DDAH1: variants seen among roughly 807,000 people sequenced by gnomAD.
DDAH1 encodes the protein dimethylarginine dimethylaminohydrolase 1.
Under a neutral mutation model 28.8 loss-of-function variants are expected in DDAH1, and 19 were observed. That is an observed-to-expected ratio of 0.66 (90% CI 0.46 to 0.97). The LOEUF (loss-of-function observed/expected upper bound fraction) is 0.97. DDAH1 is among the 50% of genes least tolerant of loss of function. The pLI is 0.00. For missense variants in DDAH1, 326 were observed against 375.9 expected (o/e 0.87, Z 1.10); for synonymous variants, 153 against 154.4 (o/e 0.99, Z 0.07).
intron 5 of DDAH1, among the ~76,000 whole-genome samples, chr1:85,323,122 T>A (rs760115759): frequency 6.6e-6 from 1 of 152,202 alleles, no homozygotes; most frequent in Admixed American, 6.5e-5. Context: ...TTCCCTCACC[T>A]TTTTCTTTTT....
intron 1 of DDAH1, among the ~76,000 whole-genome samples, chr1:85,412,727 A>C (rs758433244): frequency 6.6e-6 from 1 of 152,208 alleles, no homozygotes; most frequent in Non-Finnish European, 1.5e-5. Context: ...AGGGCCAGGC[A>C]TGGTGGCCTG....
At chr1:85,346,750 TA>T (rs1163591280) in intron 4 of DDAH1, among the ~76,000 whole-genome samples, 1 of 152,068 alleles carries the variant, frequency 6.6e-6, no homozygotes, top group Non-Finnish European at 1.5e-5. Flanking sequence ...AGTTAGCAAT[TA>T]ATAATTGCCC....
chr1:85,434,719 G>A (rs1182737770), intron 1 of DDAH1, among the ~76,000 whole-genome samples: 2 of 152,092 alleles, frequency 1.3e-5, no homozygotes, highest in African/African-American at 4.8e-5. Context: ...GTTACAATAA[G>A]TGACATTCTC....
intron 1 of DDAH1, among the ~76,000 whole-genome samples, chr1:85,367,489 A>G (rs1175515558): frequency 6.6e-6 from 1 of 152,212 alleles, no homozygotes; most frequent in African/African-American, 2.4e-5. Flanking sequence ...TTAACCACTC[A>G]TAACACTATC....
chr1:85,345,605 C>T (rs987829644), intron 4 of DDAH1, among the ~76,000 whole-genome samples: 6 of 152,154 alleles, frequency 3.9e-5, no homozygotes, highest in African/African-American at 1.2e-4. Flanking sequence ...GTGGCCAGGC[C>T]TGTAATCCCA....
intron 2 of DDAH1, among the ~76,000 whole-genome samples, chr1:85,485,973 G>C (rs530685030): frequency 3.3e-5 from 5 of 152,144 alleles, no homozygotes; most frequent in Admixed American, 2.6e-4. Context: ...ATTTTGGCTA[G>C]AAACTGTTAG....
intron 1 of DDAH1, among the ~76,000 whole-genome samples, chr1:85,403,334 A>G (rs972629846): frequency 6.6e-6 from 1 of 152,106 alleles, no homozygotes; most frequent in Non-Finnish European, 1.5e-5. Context: ...AGTTATATCC[A>G]AAGAAAAAAA....
At chr1:85,480,590 C>T (rs1655973524) in intron 2 of DDAH1, among the ~76,000 whole-genome samples, 1 of 151,980 alleles carries the variant, frequency 6.6e-6, no homozygotes. Context: ...ACTAAAAATA[C>T]AAAAAGTAGC....
chr1:85,495,223 C>T (rs901173331), intron 2 of DDAH1: 1 of 149,676 alleles, frequency 6.7e-6, no homozygotes, highest in Non-Finnish European at 1.5e-5. Flanking sequence ...AGGGTCTCCT[C>T]TTTCAAGGAA....
Position 85,564,167 on chromosome 1 carries a change from T to C in DDAH1, c.-123+13817A>G, listed in dbSNP as rs924325681. On this transcript the variant is annotated intron_variant, in intron 1 of 6. Transcript: ENST00000426972. ...AGCCTGGCAACAGAGCAAGACTCCA[T>C]CTCAAAAACAAAACAAAACAAAACA... Among the ~76,000 whole-genome samples the C allele has an allele frequency of 2.3e-5, 3 of 128,902 alleles. No individual in the cohort carries two copies. In the South Asian group the frequency reaches 6.8e-4, roughly 29 times the overall value. 84.6% of individuals were successfully genotyped at this position (128,902 alleles called of 152,430 possible).
intron 1 of DDAH1, among the ~76,000 whole-genome samples, chr1:85,408,129 C>A (rs892438595): frequency 1.1e-4 from 17 of 152,168 alleles, no homozygotes; most frequent in African/African-American, 3.9e-4. Flanking sequence ...TCCATGAAAC[C>A]AAATCCTTGT....
chr1:85,397,874 G>C (rs1313104018), intron 1 of DDAH1, among the ~76,000 whole-genome samples: 1 of 152,114 alleles, frequency 6.6e-6, no homozygotes, highest in Non-Finnish European at 1.5e-5. Flanking sequence ...TGACTCTACT[G>C]ACTCCCCTAG....
chr1:85,566,502 AAAAAG>A (rs1386102563), intron 1 of DDAH1, among the ~76,000 whole-genome samples: 2 of 151,726 alleles, frequency 1.3e-5, no homozygotes, highest in African/African-American at 4.8e-5. Flanking sequence ...AAAAAAAAAA[AAAAAG>A]AAAAGAAAGA....
chr1:85,324,676 C>T lies in DDAH1; in HGVS notation c.741+64G>A, dbSNP rs550598298. The T allele has an allele frequency of 1.6e-5, 26 of 1,596,926 alleles. No homozygotes were observed. The African/African-American group carries it at 2.0e-4, about 12-fold the overall frequency. Reference sequence around the variant, plus strand: ...AAAAGGAGGCTCCTATTGGTCACTCCTTTATGAAAAAATCCCCAGGGAGGC... The same window carrying T: ...AAAAGGAGGCTCCTATTGGTCACTCTTTTATGAAAAAATCCCCAGGGAGGC... On this transcript the variant is annotated intron_variant, in intron 5 of 5. Coordinates refer to ENST00000284031, the MANE Select transcript of DDAH1 (RefSeq NM_012137.4).
intron 1 of DDAH1, among the ~76,000 whole-genome samples, chr1:85,499,490 T>C (rs555598798): frequency 1.3e-5 from 2 of 152,274 alleles, no homozygotes; most frequent in East Asian, 3.9e-4. Flanking sequence ...CTGGCCAATA[T>C]GTTGAAACTC....
At chr1:85,515,894 T>C (rs1300073918) in intron 1 of DDAH1, among the ~76,000 whole-genome samples, 2 of 152,230 alleles carry the variant, frequency 1.3e-5, no homozygotes, top group South Asian at 4.1e-4. Flanking sequence ...AAATGTGTTT[T>C]CTCACAGTTC....
In DDAH1 at chr1:85,464,829, CCGGAAGG is replaced by C; in HGVS notation, c.210_216del (p.Ser70ArgfsTer33). On this transcript the variant is annotated frameshift_variant, in exon 1 of 6. Transcript: ENST00000284031. LOFTEE classifies it high-confidence loss of function. This position sits in a 1 kb window ranked among gnomAD's most constrained non-coding sequence, Gnocchi z 4.4. Reference sequence around the variant, plus strand: ...GCCACGTCCTCCACGAAGACGCAGTCCGGAAGGCTCTCGTCGGCCGGCAGCTCCACCA... The same window carrying C: ...GCCACGTCCTCCACGAAGACGCAGTCCTCTCGTCGGCCGGCAGCTCCACCA... 1 of 1,589,710 alleles carries C rather than the reference CCGGAAGG, an allele frequency of 6.3e-7. No homozygotes were observed.
intron 1 of DDAH1, among the ~76,000 whole-genome samples, chr1:85,514,589 G>A (rs1345678532): frequency 2.7e-5 from 4 of 149,268 alleles, no homozygotes; most frequent in African/African-American, 9.9e-5. Context: ...CAATGTCAGA[G>A]TAAGGATTTA....
intron 1 of DDAH1, among the ~76,000 whole-genome samples, chr1:85,547,240 A>G (rs185729219): frequency 1.3e-5 from 2 of 152,304 alleles, no homozygotes; most frequent in African/African-American, 2.4e-5. Context: ...AATAGTACCT[A>G]CGTCAGAGGG....
Sources: allele counts gnomAD v4.1 joint callset (sites outside exome capture counted in the v4.1 genomes callset), GRCh38; gene constraint gnomAD v4.1.1; non-coding constraint Gnocchi (gnomAD v3.1); transcripts MANE v1.5; gene names NCBI Gene and HGNC (gene_info 2026-07-23, HGNC 2026-07-21).